RSU1: variants seen among roughly 807,000 people sequenced by gnomAD.
RSU1 encodes the protein Ras suppressor protein 1, also known as rsu-1.
A neutral mutation model predicts 31.1 loss-of-function variants in RSU1; 26 were observed. That is an observed-to-expected ratio of 0.84 (90% CI 0.61 to 1.16). RSU1 has a LOEUF of 1.16. RSU1 is among the 50% of genes most tolerant of loss of function. The probability of loss-of-function intolerance (pLI) is 0.00; values close to 1 mark genes in which losing one functional copy is unlikely to be tolerated. For synonymous variants in RSU1, 164 were observed against 136.3 expected (o/e 1.20, Z -1.41); for missense variants, 320 against 339.1 (o/e 0.94, Z 0.44).
Position 16,752,537 on chromosome 10 carries a change from A to C in RSU1, c.598+2T>G. ...ACTAAGTTCATTCATCAGCAACCTT[A>C]CCTAGTTCTGGGGGCAGAACGGTGA... is the stretch of plus-strand genomic sequence containing the variant. On this transcript the variant is annotated splice_donor_variant, in intron 7 of 8. Transcript: ENST00000345264. LOFTEE classifies it high-confidence loss of function. 1 of 1,607,846 alleles carries C rather than the reference A, an allele frequency of 6.2e-7. No individual in the cohort carries two copies. The highest frequency in any genetic ancestry group is 8.5e-7 in the Non-Finnish European group (1 of 1,174,290).
At chr10:16,801,465 A>C (rs551514756) in intron 2 of RSU1, among the ~76,000 whole-genome samples, 1 of 152,192 alleles carries the variant, frequency 6.6e-6, no homozygotes, top group African/African-American at 2.4e-5. Flanking sequence ...ACTCCACTCT[A>C]TCAGTAATTG....
chr10:16,795,311 G>A (rs973130910), intron 2 of RSU1, among the ~76,000 whole-genome samples: 7 of 137,338 alleles, frequency 5.1e-5, no homozygotes, highest in Admixed American at 2.6e-4. Flanking sequence ...CCGAGATCGC[G>A]CCACTGCACC....
At chr10:16,759,388 T>C (rs1384026363) in intron 4 of RSU1, among the ~76,000 whole-genome samples, 1 of 151,278 alleles carries the variant, frequency 6.6e-6, no homozygotes, top group Non-Finnish European at 1.5e-5. Context: ...GTACCTGTGG[T>C]CCCAGCTACT....
intron 8 of RSU1, among the ~76,000 whole-genome samples, chr10:16,683,852 A>G (rs1835384270): frequency 1.3e-5 from 2 of 152,344 alleles, no homozygotes; most frequent in Middle Eastern, 3.4e-3. Flanking sequence ...CTTCAATTCA[A>G]TTGTTCAACT....
intron 7 of RSU1, among the ~76,000 whole-genome samples, chr10:16,713,792 A>T (rs1180585975): frequency 1.3e-5 from 2 of 152,028 alleles, no homozygotes; most frequent in African/African-American, 4.8e-5. Context: ...CTGAACATCT[A>T]GTGGAATAGT....
At chr10:16,744,966 C>T (rs1836821253) in intron 7 of RSU1, among the ~76,000 whole-genome samples, 1 of 152,198 alleles carries the variant, frequency 6.6e-6, no homozygotes, top group Non-Finnish European at 1.5e-5. Flanking sequence ...TTTCTTTTAT[C>T]CACAGGATAC....
At chr10:16,701,623 C>A (rs980744655) in intron 7 of RSU1, among the ~76,000 whole-genome samples, 2 of 152,180 alleles carry the variant, frequency 1.3e-5, no homozygotes, top group Non-Finnish European at 2.9e-5. Flanking sequence ...CTTACACACA[C>A]ACACACACAC....
At chr10:16,594,530 G>T (rs964173645) in intron 8 of RSU1, among the ~76,000 whole-genome samples, 1 of 149,984 alleles carries the variant, frequency 6.7e-6, no homozygotes, top group Non-Finnish European at 1.5e-5. Flanking sequence ...TCATGGCTCA[G>T]CCTCCTGAGT....
intron 8 of RSU1, among the ~76,000 whole-genome samples, chr10:16,648,118 T>A (rs7900688): frequency 0.39 from 55,209 of 143,334 alleles, 11,604 homozygotes; most frequent in African/African-American, 0.6. Flanking sequence ...CTGGCTAATT[T>A]AAAAAAAAAA....
chr10:16,782,259 G>A (rs1273531912), intron 2 of RSU1, among the ~76,000 whole-genome samples, 175 bp from the exon 3 acceptor site: 2 of 152,182 alleles, frequency 1.3e-5, no homozygotes, highest in Non-Finnish European at 2.9e-5. Flanking sequence ...TTAAACCAAA[G>A]GAAGAAAAGG....
At position 16,590,630 on chromosome 10, in the gene RSU1, T is replaced by A. The variant is rs1326481647; in HGVS notation, c.*2764A>T. On this transcript the variant is annotated 3_prime_UTR_variant, in exon 9 of 9. Transcript: ENST00000345264. ...TACCAATTTGATTTTGAAAAATACA[T>A]GCATTTAATATTTTCTGATTACAAA... 6.6e-6 allele frequency: 1 copy of A among 152,226 alleles called. No homozygotes were observed. The highest frequency in any genetic ancestry group is 1.5e-5 in the Non-Finnish European group (1 of 68,038). 9.4% of individuals were successfully genotyped at this position (152,226 alleles called of 1,614,324 possible).
Position 16,620,071 on chromosome 10 carries a change from G to T in RSU1, c.732-26575C>A, listed in dbSNP as rs530666865. Reference sequence around the variant, plus strand: ...ATGTTTCATAATTAACGTGAACATTGCTCTGTTTTGGGGGAAACTGCTTCA... The same window carrying T: ...ATGTTTCATAATTAACGTGAACATTTCTCTGTTTTGGGGGAAACTGCTTCA... On this transcript the variant is annotated intron_variant, in intron 8 of 8. Transcript: ENST00000345264. Among the ~76,000 whole-genome samples the T allele has an allele frequency of 1.4e-3, 207 of 152,222 alleles. 2 individuals are homozygous for T. Among genetic ancestry groups the T allele is most frequent in the African/African-American group, 4.6e-3 (190 of 41,532 alleles).
At chr10:16,695,599 A>G (rs1331206821) in intron 7 of RSU1, among the ~76,000 whole-genome samples, 1 of 152,206 alleles carries the variant, frequency 6.6e-6, no homozygotes, top group East Asian at 1.9e-4. Context: ...AAAGACAGGA[A>G]TATTACCCAA....
intron 8 of RSU1, among the ~76,000 whole-genome samples, chr10:16,609,764 G>A (rs1833863871): frequency 6.6e-6 from 1 of 152,162 alleles, no homozygotes; most frequent in African/African-American, 2.4e-5. Context: ...TCCCCAAAAA[G>A]GTAAAACAAG....
intron 7 of RSU1, among the ~76,000 whole-genome samples, chr10:16,745,975 C>T (rs1404394991): frequency 6.6e-6 from 1 of 152,186 alleles, no homozygotes; most frequent in Non-Finnish European, 1.5e-5. Context: ...GGATTTTCTT[C>T]TTCCCTGCCT....
At chr10:16,728,846 C>T (rs1226787423) in intron 7 of RSU1, among the ~76,000 whole-genome samples, 1 of 152,198 alleles carries the variant, frequency 6.6e-6, no homozygotes, top group African/African-American at 2.4e-5. Flanking sequence ...CCAAGGAATG[C>T]AGGCACTCAC....
intron 2 of RSU1, among the ~76,000 whole-genome samples, chr10:16,785,106 G>C (rs893906610): frequency 3.9e-5 from 6 of 152,222 alleles, no homozygotes; most frequent in African/African-American, 1.4e-4. Flanking sequence ...TAACATTTGA[G>C]TCAGTGGGCT....
At chr10:16,597,262 GAAGGGGTTGCAA>G (rs1833632471) in intron 8 of RSU1, among the ~76,000 whole-genome samples, 1 of 152,248 alleles carries the variant, frequency 6.6e-6, no homozygotes. Context: ...AGCGATTTCA[GAAGGGGTTGCAA>G]AAGCTGCAGG....
chr10:16,654,446 G>C (rs1292056918), intron 8 of RSU1, among the ~76,000 whole-genome samples: 3 of 150,890 alleles, frequency 2.0e-5, no homozygotes, highest in Non-Finnish European at 4.4e-5. Flanking sequence ...GAGGTGGGTG[G>C]ATCACTTGAG....
Sources: allele counts gnomAD v4.1 joint callset (sites outside exome capture counted in the v4.1 genomes callset), GRCh38; gene constraint gnomAD v4.1.1; transcripts MANE v1.5; gene names NCBI Gene and HGNC (gene_info 2026-07-23, HGNC 2026-07-21).